The following DLG2 variants were observed in gnomAD, a reference collection of about 807,000 sequenced individuals.
DLG2 encodes the protein discs large MAGUK scaffold protein 2.
DLG2 carries 45 observed loss-of-function variants against 132.5 expected under a neutral mutation model. The ratio of observed to expected loss-of-function variants is 0.34; its 90% CI spans 0.27 to 0.44. The LOEUF is 0.44. Ranked by LOEUF, DLG2 falls within the 20% of genes least tolerant of loss-of-function variation. The pLI is 1.00. For synonymous variants in DLG2, 424 were observed against 419.6 expected, an observed-to-expected ratio of 1.01 and a Z score of -0.13; for missense variants, 1,045 against 1,196.9, an observed-to-expected ratio of 0.87 and a Z score of 1.87.
chr11:84,742,126 A>G (rs1466394389), intron 6 of DLG2, among the ~76,000 whole-genome samples: 1 of 152,136 alleles, frequency 6.6e-6, no homozygotes, highest in African/African-American at 2.4e-5. Flanking sequence ...CAGACAAGAA[A>G]AAAAAATGAA....
At chr11:83,735,660 T>C (rs1430189061) in intron 18 of DLG2, among the ~76,000 whole-genome samples, 2 of 152,240 alleles carry the variant, frequency 1.3e-5, no homozygotes, top group South Asian at 2.1e-4. Context: ...TGCTAAAGCA[T>C]ATGCAAACAT....
At chr11:85,282,275 C>G (rs1408685066) in intron 4 of DLG2, among the ~76,000 whole-genome samples, 1 of 151,662 alleles carries the variant, frequency 6.6e-6, no homozygotes, top group African/African-American at 2.4e-5. Context: ...TAGATAGAAA[C>G]AGATCTAGTG....
intron 9 of DLG2, among the ~76,000 whole-genome samples, chr11:84,103,676 T>C (rs964899157): frequency 2.6e-5 from 4 of 152,124 alleles, no homozygotes; most frequent in African/African-American, 7.2e-5. Flanking sequence ...TCTTGTTTCA[T>C]GTACTGCACA....
At chr11:84,876,742 T>C (rs1399220941) in intron 6 of DLG2, among the ~76,000 whole-genome samples, 1 of 152,196 alleles carries the variant, frequency 6.6e-6, no homozygotes, top group Non-Finnish European at 1.5e-5. Context: ...ATTTGTTTGC[T>C]CTTGCTTCTC....
intron 6 of DLG2, among the ~76,000 whole-genome samples, chr11:84,734,202 G>T (rs1374341015): frequency 1.3e-5 from 2 of 152,108 alleles, no homozygotes; most frequent in East Asian, 3.9e-4. Flanking sequence ...GATGGGGATG[G>T]CATTCAATCT....
At chr11:84,588,722 A>G (rs780977003) in intron 6 of DLG2, among the ~76,000 whole-genome samples, 15 of 152,068 alleles carry the variant, frequency 9.9e-5, no homozygotes, top group Admixed American at 2.0e-4. Flanking sequence ...GACAGGTTGC[A>G]ATAAAGAAGC....
intron 6 of DLG2, among the ~76,000 whole-genome samples, chr11:84,541,236 T>A (rs190208836): frequency 1.3e-5 from 2 of 151,876 alleles, no homozygotes; most frequent in East Asian, 3.9e-4. Flanking sequence ...GTAAACAGAT[T>A]ATATTTCCTG....
At chr11:84,592,001 G>C (rs966524471) in intron 6 of DLG2, among the ~76,000 whole-genome samples, 2 of 152,072 alleles carry the variant, frequency 1.3e-5, no homozygotes, top group African/African-American at 4.8e-5. Context: ...CCATAGGCAT[G>C]AGCCATCACG....
At chr11:83,913,359 A>T (rs2076387406) in intron 15 of DLG2, among the ~76,000 whole-genome samples, 1 of 152,146 alleles carries the variant, frequency 6.6e-6, no homozygotes, top group Non-Finnish European at 1.5e-5. Flanking sequence ...TAATGATTTA[A>T]ATATATTTTT....
intron 7 of DLG2, among the ~76,000 whole-genome samples, chr11:84,413,832 T>G (rs1016210096): frequency 6.6e-6 from 1 of 152,202 alleles, no homozygotes; most frequent in Non-Finnish European, 1.5e-5. Context: ...AATGCAGATT[T>G]TTTTTTCTTC....
chr11:85,151,146 T>C (rs1277322133), intron 5 of DLG2, among the ~76,000 whole-genome samples: 1 of 152,220 alleles, frequency 6.6e-6, no homozygotes, highest in Admixed American at 6.5e-5. Flanking sequence ...CATAGATGTA[T>C]TGGCCATTTG....
chr11:85,283,673 G>T (rs2152757555), intron 4 of DLG2, among the ~76,000 whole-genome samples: 1 of 151,772 alleles, frequency 6.6e-6, no homozygotes, highest in Non-Finnish European at 1.5e-5. Flanking sequence ...GCAATATAAA[G>T]CATTAAGTAA....
At chr11:85,316,116 CAGA>C (rs1460724823) in intron 3 of DLG2, among the ~76,000 whole-genome samples, 2 of 151,882 alleles carry the variant, frequency 1.3e-5, no homozygotes, top group African/African-American at 2.4e-5. Flanking sequence ...ACAGGTCAAA[CAGA>C]AGATTTTTTT....
At chr11:83,993,124 A>C (rs2093816520) in intron 11 of DLG2, among the ~76,000 whole-genome samples, 1 of 152,186 alleles carries the variant, frequency 6.6e-6, no homozygotes, top group African/African-American at 2.4e-5. Flanking sequence ...CTTACATATT[A>C]ATCTCTTATG....
chr11:85,025,071 ATGCTTAGT>A (rs1222856475), intron 6 of DLG2, among the ~76,000 whole-genome samples: 1 of 152,210 alleles, frequency 6.6e-6, no homozygotes, highest in East Asian at 1.9e-4. Flanking sequence ...GATTAGGTGC[ATGCTTAGT>A]TGTGAATGAA....
rs953373573 is a variant in DLG2, at chr11:85,408,651, G to T, written c.41-123286C>A. Among the ~76,000 whole-genome samples, 462 of 149,792 alleles carry T rather than the reference G, an allele frequency of 3.1e-3. 3 individuals are homozygous for T. The highest frequency in any genetic ancestry group is 0.011 in the African/African-American group (438 of 40,642). ...TATGAGTGAGAACATGCGGTGTTTG[G>T]TTTTTTGTTCTTGCGATAGTTTACT... On this transcript the variant is annotated intron_variant, in intron 3 of 27. Coordinates refer to ENST00000376104, the MANE Select transcript of DLG2 (RefSeq NM_001142699.3).
At chr11:85,178,629 A>G (rs1428356875) in intron 4 of DLG2, among the ~76,000 whole-genome samples, 3 of 151,994 alleles carry the variant, frequency 2.0e-5, no homozygotes, top group Non-Finnish European at 2.9e-5. Context: ...TAAAAGCCAA[A>G]CAAATTATGT....
At chr11:85,382,980 T>C (rs1049500002) in intron 3 of DLG2, among the ~76,000 whole-genome samples, 1 of 152,116 alleles carries the variant, frequency 6.6e-6, no homozygotes, top group Admixed American at 6.6e-5. Context: ...TGCTCCTCAG[T>C]ATAGACCCAA....
At chr11:84,609,066 T>C (rs1419332102) in intron 6 of DLG2, among the ~76,000 whole-genome samples, 2 of 152,180 alleles carry the variant, frequency 1.3e-5, no homozygotes, top group East Asian at 3.9e-4. Context: ...CTACGTGATG[T>C]TACTACATAT....
Sources: allele counts gnomAD v4.1 joint callset (sites outside exome capture counted in the v4.1 genomes callset), GRCh38; gene constraint gnomAD v4.1.1; transcripts MANE v1.5; gene names NCBI Gene and HGNC (gene_info 2026-07-23, HGNC 2026-07-21).